STPG2: variants seen among roughly 807,000 people sequenced by gnomAD.
STPG2 encodes sperm tail PG-rich repeat containing 2.
Under a neutral mutation model 54.2 loss-of-function variants are expected in STPG2, and 56 were observed. The ratio of observed to expected loss-of-function variants is 1.03; its 90% CI spans 0.83 to 1.29. STPG2 has a LOEUF of 1.29. STPG2 is among the 50% of genes most tolerant of loss of function. The pLI, the probability that STPG2 is intolerant of heterozygous loss-of-function variation, is 0.00. For synonymous variants in STPG2, 200 were observed against 181.8 expected, an observed-to-expected ratio of 1.10 and a Z score of -0.81; for missense variants, 596 against 544.9, an observed-to-expected ratio of 1.09 and a Z score of -0.93.
chr4:97,972,895 C>T (rs1455532328), intron 6 of STPG2, among the ~76,000 whole-genome samples: 1 of 152,188 alleles, frequency 6.6e-6, no homozygotes, highest in African/African-American at 2.4e-5. Flanking sequence ...GTGAGGCCTT[C>T]CCAACCATGT....
intron 10 of STPG2, among the ~76,000 whole-genome samples, chr4:97,664,724 T>C (rs1289792945): frequency 5.3e-5 from 8 of 152,022 alleles, no homozygotes; most frequent in Non-Finnish European, 4.4e-5. Context: ...TAAAGCAGGA[T>C]AGTTATGTCA....
intron 5 of STPG2, among the ~76,000 whole-genome samples, chr4:98,091,638 GC>G (rs1738688542): frequency 6.6e-6 from 1 of 152,006 alleles, no homozygotes; most frequent in Non-Finnish European, 1.5e-5. Context: ...GATTCAAGAA[GC>G]TTTGCCCTAT....
At chr4:97,494,834 A>G (rs1730572896) in intron 4 of STPG2, among the ~76,000 whole-genome samples, 1 of 151,602 alleles carries the variant, frequency 6.6e-6, no homozygotes, top group Non-Finnish European at 1.5e-5. Context: ...ACAATGTGAC[A>G]TTAGCATTTT....
chr4:97,542,331 AAG>A (rs1483810304), intron 4 of STPG2, among the ~76,000 whole-genome samples: 1 of 152,232 alleles, frequency 6.6e-6, no homozygotes, highest in Non-Finnish European at 1.5e-5. Context: ...GACTTCTCAA[AAG>A]AAGACATTTA....
At chr4:98,070,925 T>C (rs891571728) in intron 5 of STPG2, among the ~76,000 whole-genome samples, 1 of 151,608 alleles carries the variant, frequency 6.6e-6, no homozygotes, top group South Asian at 2.1e-4. Context: ...CATGAAAACA[T>C]CCATACTGCC....
chr4:97,473,207 T>A (rs1729983062), intron 4 of STPG2, among the ~76,000 whole-genome samples: 1 of 152,180 alleles, frequency 6.6e-6, no homozygotes, highest in Non-Finnish European at 1.5e-5. Context: ...ACAGCAATGT[T>A]CAGGGAACAG....
intron 7 of STPG2, among the ~76,000 whole-genome samples, chr4:97,951,524 GTGACTT>G (rs1733470280): frequency 6.6e-6 from 1 of 151,584 alleles, no homozygotes; most frequent in Non-Finnish European, 1.5e-5. Context: ...CCTTAAGACT[GTGACTT>G]TAAAGCTTAT....
intron 5 of STPG2, among the ~76,000 whole-genome samples, chr4:98,063,440 A>C (rs1346305967): frequency 1.3e-5 from 2 of 151,842 alleles, no homozygotes; most frequent in Admixed American, 1.3e-4. Flanking sequence ...AGAGCAAGAC[A>C]CCATCCCAAA....
chr4:98,008,348 T>A (rs1735634358), intron 5 of STPG2, among the ~76,000 whole-genome samples: 1 of 151,898 alleles, frequency 6.6e-6, no homozygotes, highest in South Asian at 2.1e-4. Flanking sequence ...CCTGTCAGAA[T>A]AACCTTCACA....
At chr4:97,456,495 C>A (rs978835117) in intron 4 of STPG2, among the ~76,000 whole-genome samples, 5 of 152,116 alleles carry the variant, frequency 3.3e-5, no homozygotes, top group African/African-American at 1.2e-4. Flanking sequence ...TGCAGAAGAT[C>A]ATAATTCATC....
At chr4:97,724,581 G>A (rs969104004) in intron 9 of STPG2, among the ~76,000 whole-genome samples, 1 of 152,100 alleles carries the variant, frequency 6.6e-6, no homozygotes, top group Non-Finnish European at 1.5e-5. Context: ...CAAGTGTGGT[G>A]AATTTTCTTA....
Position 97,955,492 on chromosome 4 carries a change from G to A in STPG2, c.934-11485C>T, listed in dbSNP as rs554679744. ...GGCCTCCCAAAGGGCTGGGATTACA[G>A]GTGTGAGCCACCGCACCCGGCCTAA... On this transcript the variant is annotated intron_variant, in intron 7 of 10. Transcript: ENST00000295268. Among the ~76,000 whole-genome samples, 3 of 152,246 alleles carry A rather than the reference G, an allele frequency of 2.0e-5. No homozygotes were observed. The South Asian group carries it at 6.2e-4, about 32-fold the overall frequency.
intron 4 of STPG2, among the ~76,000 whole-genome samples, chr4:97,458,242 G>C (rs538786812): frequency 2.6e-5 from 4 of 152,280 alleles, no homozygotes; most frequent in Non-Finnish European, 4.4e-5. Flanking sequence ...GCAGCAAAGA[G>C]TAGCCTAATG....
At chr4:97,945,399 T>C (rs1380622725) in intron 7 of STPG2, among the ~76,000 whole-genome samples, 1 of 152,188 alleles carries the variant, frequency 6.6e-6, no homozygotes, top group Non-Finnish European at 1.5e-5. Flanking sequence ...GTTATTCTTT[T>C]TTATGGCTGA....
At position 98,142,432 on chromosome 4, in the gene STPG2, A is replaced by G. The variant is rs573103798; in HGVS notation, c.109+610T>C. 3.3e-5 allele frequency among the ~76,000 whole-genome samples: 5 copies of G among 152,314 alleles called. No homozygotes were observed. In the East Asian group the frequency reaches 9.6e-4, roughly 29 times the overall value. On this transcript the variant is annotated intron_variant, in intron 1 of 10. Coordinates refer to ENST00000295268, the MANE Select transcript of STPG2 (RefSeq NM_174952.3). ...CTAAGTCACTAACTGCAAACAAACG[A>G]GGAGAGCAAATATTATTTAAATTAT...
At chr4:98,085,916 C>T (rs1434954149) in intron 5 of STPG2, among the ~76,000 whole-genome samples, 1 of 152,038 alleles carries the variant, frequency 6.6e-6, no homozygotes, top group African/African-American at 2.4e-5. Flanking sequence ...TCACAGTCCT[C>T]ATGTTCCTTT....
chr4:97,740,393 A>G (rs546457711), intron 9 of STPG2, among the ~76,000 whole-genome samples: 3 of 152,306 alleles, frequency 2.0e-5, no homozygotes, highest in South Asian at 4.1e-4. Flanking sequence ...AATAAAGGGT[A>G]TTCAATTAGG....
chr4:97,598,384 T>A (rs532916062), intron 10 of STPG2, among the ~76,000 whole-genome samples: 1,903 of 151,530 alleles, frequency 0.013, 35 homozygotes, highest in African/African-American at 0.044. Flanking sequence ...AAAAAAAACA[T>A]TTTAAAATTC....
Position 97,605,907 on chromosome 4 carries a change from T to G in STPG2, c.1321-46790A>C, listed in dbSNP as rs536830843. 5.9e-5 allele frequency among the ~76,000 whole-genome samples: 9 copies of G among 151,950 alleles called. No individual in the cohort carries two copies. The South Asian group carries it at 1.9e-3, about 31-fold the overall frequency. On this transcript the variant is annotated intron_variant, in intron 10 of 10. Coordinates refer to ENST00000295268, the MANE Select transcript of STPG2 (RefSeq NM_174952.3). ...CAAAACGTTCCACAAAAAAAATTAT[T>G]TAAAAAACTAGTTCAAAGCCATGGC... is the stretch of plus-strand genomic sequence containing the variant.
Sources: allele counts gnomAD v4.1 joint callset (sites outside exome capture counted in the v4.1 genomes callset), GRCh38; gene constraint gnomAD v4.1.1; transcripts MANE v1.5; gene names NCBI Gene and HGNC (gene_info 2026-07-23, HGNC 2026-07-21).